The following AOAH variants were observed in gnomAD, a reference collection of about 807,000 sequenced individuals.
The protein encoded by AOAH is acyloxyacyl hydrolase.
In AOAH, 64 loss-of-function variants were observed where a neutral mutation model predicts 92.2. The ratio of observed to expected loss-of-function variants is 0.69; its 90% CI spans 0.57 to 0.86. The LOEUF is 0.86. AOAH is among the 40% of genes least tolerant of loss of function. The pLI is 0.00. For missense variants in AOAH, 656 were observed against 694.6 expected (o/e 0.94, Z 0.62); for synonymous variants, 263 against 254.5 (o/e 1.03, Z -0.32).
At chr7:36,678,605 G>A (rs1398720820) in intron 2 of AOAH, among the ~76,000 whole-genome samples, 1 of 148,718 alleles carries the variant, frequency 6.7e-6, no homozygotes, top group East Asian at 2.0e-4. Flanking sequence ...GTGTGTGCGC[G>A]CGCGCGCGCG....
intron 1 of AOAH, among the ~76,000 whole-genome samples, chr7:36,721,290 A>G (rs1799617152): frequency 6.6e-6 from 1 of 152,170 alleles, no homozygotes; most frequent in African/African-American, 2.4e-5. Flanking sequence ...CTGAAGAGCT[A>G]TTTTAGTCCC....
At position 36,614,448 on chromosome 7, in the gene AOAH, G is replaced by GTGTT. The variant is rs3053535; in HGVS notation, c.846+1928_846+1931dup. Among the ~76,000 whole-genome samples the GTGTT allele has an allele frequency of 1.4e-4, 21 of 151,588 alleles. No individual in the cohort carries two copies. Among genetic ancestry groups the GTGTT allele is most frequent in the African/African-American group, 4.9e-4 (20 of 41,234 alleles). On this transcript the variant is annotated intron_variant, in intron 11 of 20. Transcript: ENST00000617537. This position sits in a 1 kb window ranked among gnomAD's most constrained non-coding sequence, Gnocchi z 4.2. ...TCTTAACAATCTTATTTTTGAATTT[G>GTGTT]TGTTTGTTATGTGAGTGAAGTCCAG...
At chr7:36,633,102 G>A (rs961097162) in intron 5 of AOAH, among the ~76,000 whole-genome samples, 1 of 152,220 alleles carries the variant, frequency 6.6e-6, no homozygotes, top group African/African-American at 2.4e-5. Flanking sequence ...GAACCTGGAG[G>A]AGAATGCAGA....
chr7:36,599,893 T>C (rs1355878672), intron 11 of AOAH: 1 of 152,630 alleles, frequency 6.6e-6, no homozygotes, highest in Non-Finnish European at 1.5e-5. Flanking sequence ...TCTGCTCAGG[T>C]CCCCACCGCT....
chr7:36,556,289 C>T (rs1378598784), intron 13 of AOAH, among the ~76,000 whole-genome samples: 6 of 151,968 alleles, frequency 3.9e-5, no homozygotes, highest in African/African-American at 7.3e-5. Flanking sequence ...TGTAGTTGAG[C>T]GGTTTTGAGT....
chr7:36,513,694 C>A (rs560376517), intron 20 of AOAH, among the ~76,000 whole-genome samples: 56 of 152,200 alleles, frequency 3.7e-4, no homozygotes, highest in Non-Finnish European at 7.3e-4. Context: ...CGGTTGCCAT[C>A]CAGCCTGAAG....
intron 13 of AOAH, among the ~76,000 whole-genome samples, chr7:36,556,995 A>G: frequency 6.6e-6 from 1 of 151,560 alleles, no homozygotes; most frequent in Non-Finnish European, 1.5e-5. Flanking sequence ...TTTAAAGTTA[A>G]TATTGTTATG....
At chr7:36,715,373 C>G (rs1193561455) in intron 1 of AOAH, among the ~76,000 whole-genome samples, 1 of 152,156 alleles carries the variant, frequency 6.6e-6, no homozygotes, top group Non-Finnish European at 1.5e-5. Flanking sequence ...TAGGAAGAAT[C>G]AGTATCATGA....
chr7:36,715,511 T>G (rs901562645), intron 1 of AOAH, among the ~76,000 whole-genome samples: 76 of 150,736 alleles, frequency 5.0e-4, no homozygotes, highest in African/African-American at 1.8e-3. Flanking sequence ...GAGCCTGCAT[T>G]GCCAAGTCAA....
chr7:36,596,748 C>T (rs558025706), intron 11 of AOAH, among the ~76,000 whole-genome samples: 22 of 152,252 alleles, frequency 1.4e-4, no homozygotes, highest in East Asian at 1.4e-3. Context: ...CTTCCAGCCT[C>T]CAGAATTCTG....
Position 36,621,568 on chromosome 7 carries a change from TC to T in AOAH, c.653+141del. 7 of 842,796 alleles carry T rather than the reference TC, an allele frequency of 8.3e-6. No individual in the cohort carries two copies. The South Asian group carries it at 1.1e-4, about 13-fold the overall frequency. The allele number at this position is 842,796 out of a possible 1,614,324, so 52.2% of individuals were successfully genotyped here. On this transcript the variant is annotated intron_variant, in intron 8 of 20. Transcript: ENST00000617537. ...CGAACGAATGAATGCCGTTCTTTTT[TC>T]ACTGAGCTTTACTTCAATCGGAACA...
intron 11 of AOAH, among the ~76,000 whole-genome samples, chr7:36,602,112 G>C (rs1562609920): frequency 6.6e-6 from 1 of 152,098 alleles, no homozygotes; most frequent in Non-Finnish European, 1.5e-5. Flanking sequence ...CCCTCTGCCA[G>C]TACAAAAGCT....
chr7:36,721,288 C>G (rs1186469955), intron 1 of AOAH, among the ~76,000 whole-genome samples: 1 of 152,206 alleles, frequency 6.6e-6, no homozygotes, highest in African/African-American at 2.4e-5. Flanking sequence ...CTCTGAAGAG[C>G]TATTTTAGTC....
chr7:36,651,712 A>G (rs1198190576), intron 4 of AOAH, among the ~76,000 whole-genome samples: 1 of 152,216 alleles, frequency 6.6e-6, no homozygotes, highest in Non-Finnish European at 1.5e-5. Flanking sequence ...CTGGAGGTCT[A>G]AAGTCCAGGG....
intron 18 of AOAH, 114 bp downstream of exon 18, chr7:36,532,033 T>C (rs939966681): frequency 1.8e-5 from 23 of 1,271,974 alleles, no homozygotes; most frequent in Non-Finnish European, 2.5e-5. Context: ...ATTTTGTTAT[T>C]CACCAGCTTG....
intron 13 of AOAH, among the ~76,000 whole-genome samples, chr7:36,552,235 A>G (rs369887036): frequency 2.0e-5 from 3 of 152,282 alleles, no homozygotes; most frequent in East Asian, 1.9e-4. Flanking sequence ...GCTACCAATC[A>G]TAAGTGAGAA....
At chr7:36,721,643 T>C (rs1405815344) in intron 1 of AOAH, among the ~76,000 whole-genome samples, 1 of 152,124 alleles carries the variant, frequency 6.6e-6, no homozygotes, top group African/African-American at 2.4e-5. Context: ...GCTGGGAAAA[T>C]GGATGCTAAA....
chr7:36,572,311 C>T (rs1018303233), intron 13 of AOAH, among the ~76,000 whole-genome samples: 1 of 151,886 alleles, frequency 6.6e-6, no homozygotes, highest in African/African-American at 2.4e-5. Flanking sequence ...CCAGCTTTGA[C>T]AACATAGCAA....
At chr7:36,630,370 G>A (rs1041029470) in intron 6 of AOAH, among the ~76,000 whole-genome samples, 2 of 152,244 alleles carry the variant, frequency 1.3e-5, no homozygotes, top group African/African-American at 4.8e-5. Flanking sequence ...AGTAATAGGA[G>A]CTCCTGCGGG....
Sources: gnomAD v4.1 joint callset for allele counts (sites outside exome capture counted in the v4.1 genomes callset) on GRCh38, gnomAD v4.1.1 for gene constraint, Gnocchi (gnomAD v3.1) non-coding constraint, MANE v1.5 for transcripts, NCBI Gene and HGNC (gene_info 2026-07-23, HGNC 2026-07-21) for gene names.